HS3ST2: variants seen among roughly 807,000 people sequenced by gnomAD.
HS3ST2 encodes heparan sulfate glucosamine 3-O-sulfotransferase 2.
A neutral mutation model predicts 26.3 loss-of-function variants in HS3ST2; 17 were observed. The observed-to-expected ratio is 0.65, with a 90% CI of 0.44 to 0.97. The LOEUF (loss-of-function observed/expected upper bound fraction) is 0.97. Ranked by LOEUF, HS3ST2 falls within the 50% of genes least tolerant of loss-of-function variation. The pLI, the probability that HS3ST2 is intolerant of heterozygous loss-of-function variation, is 0.00. For missense variants in HS3ST2, 402 were observed against 501.2 expected (o/e 0.80, Z 1.89); for synonymous variants, 237 against 219.2 (o/e 1.08, Z -0.72).
chr16:22,842,460 G>A (rs537673038), intron 1 of HS3ST2, among the ~76,000 whole-genome samples: 8 of 152,138 alleles, frequency 5.3e-5, no homozygotes, highest in Admixed American at 2.0e-4. Context: ...ACTAGTCACC[G>A]TGTTGTACAA....
At chr16:22,859,470 A>C (rs1901646423) in intron 1 of HS3ST2, among the ~76,000 whole-genome samples, 1 of 152,214 alleles carries the variant, frequency 6.6e-6, no homozygotes, top group South Asian at 2.1e-4. Context: ...ACGTAATTGC[A>C]TCACTGATTT....
intron 1 of HS3ST2, among the ~76,000 whole-genome samples, chr16:22,842,345 G>A (rs2141182491): frequency 6.6e-6 from 1 of 152,102 alleles, no homozygotes; most frequent in East Asian, 1.9e-4. Context: ...TTGCAGGTGT[G>A]GGCCACTGTG....
intron 1 of HS3ST2, among the ~76,000 whole-genome samples, chr16:22,912,808 G>T (rs960976814): frequency 3.9e-5 from 6 of 152,050 alleles, no homozygotes; most frequent in African/African-American, 7.2e-5. Flanking sequence ...TGGTCACCTC[G>T]GGGCGTTGCC....
intron 1 of HS3ST2, among the ~76,000 whole-genome samples, chr16:22,857,028 G>T (rs1307489241): frequency 6.6e-6 from 1 of 152,046 alleles, no homozygotes; most frequent in African/African-American, 2.4e-5. Context: ...TAGGTGTTTT[G>T]TATGCACCAT....
chr16:22,866,325 G>GCACA (rs1320580523), intron 1 of HS3ST2, among the ~76,000 whole-genome samples: 8 of 148,456 alleles, frequency 5.4e-5, no homozygotes, highest in African/African-American at 1.8e-4. Flanking sequence ...GTGCGCGCGC[G>GCACA]CGCACACACA....
At chr16:22,892,366 A>G (rs1464420565) in intron 1 of HS3ST2, among the ~76,000 whole-genome samples, 1 of 152,010 alleles carries the variant, frequency 6.6e-6, no homozygotes, top group Non-Finnish European at 1.5e-5. Flanking sequence ...ACAATACCAG[A>G]GTATCATGTA....
intron 1 of HS3ST2, 31 bp downstream of exon 1, chr16:22,815,126 G>C: frequency 1.2e-6 from 2 of 1,604,740 alleles, no homozygotes; most frequent in Non-Finnish European, 8.5e-7. Context: ...TCCGTGCGCC[G>C]GGTCTCTGAT....
At chr16:22,852,387 T>A (rs1177684380) in intron 1 of HS3ST2, among the ~76,000 whole-genome samples, 1 of 152,192 alleles carries the variant, frequency 6.6e-6, no homozygotes, top group Non-Finnish European at 1.5e-5. Context: ...GTGAGAACCA[T>A]GTTTTAGGAG....
intron 1 of HS3ST2, among the ~76,000 whole-genome samples, chr16:22,838,049 AG>A (rs1200800128): frequency 1.3e-5 from 2 of 152,216 alleles, no homozygotes. Context: ...TGGAATTCAA[AG>A]AAAAATATAA....
chr16:22,814,251 T>G lies in HS3ST2; in HGVS notation c.-360T>G. Reference sequence around the variant, plus strand: ...CGCACAGCCGCGCCGCCGCCGAGCGTTTCGTGAGCGGCGCTCCGAGGATCA... The same window carrying G: ...CGCACAGCCGCGCCGCCGCCGAGCGGTTCGTGAGCGGCGCTCCGAGGATCA... On this transcript the variant is annotated 5_prime_UTR_variant, in exon 1 of 2. Coordinates refer to ENST00000261374, the MANE Select transcript of HS3ST2 (RefSeq NM_006043.2). 5.4e-6 allele frequency: 1 copy of G among 184,676 alleles called. No individual in the cohort carries two copies. Among genetic ancestry groups the G allele is most frequent in the Non-Finnish European group, 1.1e-5 (1 of 89,664 alleles). The allele number at this position is 184,676 out of a possible 1,614,324, so 11.4% of individuals were successfully genotyped here. A position where few individuals can be genotyped will look rare whatever the true frequency, so the allele number is the denominator to read the frequency against.
At chr16:22,882,273 G>A (rs1471729809) in intron 1 of HS3ST2, among the ~76,000 whole-genome samples, 1 of 152,098 alleles carries the variant, frequency 6.6e-6, no homozygotes, top group Non-Finnish European at 1.5e-5. Context: ...AAGTTGGGAG[G>A]GTCAATTGAG....
intron 1 of HS3ST2, among the ~76,000 whole-genome samples, chr16:22,891,768 G>A (rs1481618429): frequency 6.6e-6 from 1 of 152,100 alleles, no homozygotes; most frequent in Non-Finnish European, 1.5e-5. Context: ...GATGTAATAT[G>A]TTCTTATGTA....
chr16:22,866,497 C>T (rs1252765316), intron 1 of HS3ST2, among the ~76,000 whole-genome samples: 1 of 152,004 alleles, frequency 6.6e-6, no homozygotes, highest in African/African-American at 2.4e-5. Flanking sequence ...AGGCTGGGCA[C>T]AGTAGCTCAT....
chr16:22,866,321 G>T (rs56053049), intron 1 of HS3ST2, among the ~76,000 whole-genome samples: 1 of 148,318 alleles, frequency 6.7e-6, no homozygotes, highest in South Asian at 2.2e-4. Flanking sequence ...GCACGTGCGC[G>T]CGCGCGCACA....
At chr16:22,867,486 C>T (rs913774313) in intron 1 of HS3ST2, among the ~76,000 whole-genome samples, 1 of 151,976 alleles carries the variant, frequency 6.6e-6, no homozygotes, top group Admixed American at 6.6e-5. Context: ...GTGTAGATAT[C>T]CTGAACTTGT....
chr16:22,840,904 G>A (rs1185541334), intron 1 of HS3ST2, among the ~76,000 whole-genome samples: 4 of 151,952 alleles, frequency 2.6e-5, no homozygotes, highest in African/African-American at 7.3e-5. Context: ...ATGTTGGTGT[G>A]CTGCACCCAT....
At chr16:22,860,817 C>T (rs1978075) in intron 1 of HS3ST2, among the ~76,000 whole-genome samples, 40,982 of 150,232 alleles carry the variant, frequency 0.27, 6,705 homozygotes, top group African/African-American at 0.46. Context: ...TAACATCTTA[C>T]AATATATGGT....
chr16:22,852,433 C>T (rs532299594), intron 1 of HS3ST2, among the ~76,000 whole-genome samples: 19 of 152,262 alleles, frequency 1.2e-4, no homozygotes, highest in East Asian at 7.7e-4. Context: ...GGTGAAACTT[C>T]GCAATCTCCC....
In HS3ST2 at chr16:22,914,980, G is replaced by T. The variant is rs370489988; in HGVS notation, c.522G>T (p.Thr174=). Residue 174 remains threonine (T), a synonymous_variant, in exon 2 of 2, where the codon ACG becomes ACT. Coordinates refer to ENST00000261374, the MANE Select transcript of HS3ST2 (RefSeq NM_006043.2). ...LMPRTLESQI[T]LEKTPSYFVT... Reference sequence around the variant, plus strand: ...CCAGGACCCTCGAGAGCCAGATCACGCTGGAGAAGACGCCCAGCTACTTTG... The same window carrying T: ...CCAGGACCCTCGAGAGCCAGATCACTCTGGAGAAGACGCCCAGCTACTTTG... 1.9e-6 allele frequency: 3 copies of T among 1,613,624 alleles called. No homozygotes were observed. Among genetic ancestry groups the T allele is most frequent in the Admixed American group, 1.7e-5 (1 of 59,994 alleles).
Sources: allele counts gnomAD v4.1 joint callset (sites outside exome capture counted in the v4.1 genomes callset), GRCh38; gene constraint gnomAD v4.1.1; transcripts MANE v1.5; gene names NCBI Gene and HGNC (gene_info 2026-07-23, HGNC 2026-07-21).